COL23A1: variants seen among roughly 807,000 people sequenced by gnomAD.
COL23A1 encodes collagen type XXIII alpha 1 chain, also known as collagen alpha-1(XXIII) chain.
A neutral mutation model predicts 99.3 loss-of-function variants in COL23A1; 97 were observed. The observed-to-expected ratio is 0.98, with a 90% CI of 0.83 to 1.16. The LOEUF is 1.16. COL23A1 is among the 50% of genes most tolerant of loss of function. COL23A1 has a pLI of 0.00. For synonymous variants in COL23A1, 320 were observed against 308.2 expected, an observed-to-expected ratio of 1.04 and a Z score of -0.40; for missense variants, 762 against 757.4, an observed-to-expected ratio of 1.01 and a Z score of -0.07.
At chr5:178,302,524 C>T (rs926719768) in intron 3 of COL23A1, among the ~76,000 whole-genome samples, 2 of 152,138 alleles carry the variant, frequency 1.3e-5, no homozygotes, top group Non-Finnish European at 2.9e-5. Flanking sequence ...CACCACATTA[C>T]AACTCTGCCT....
At chr5:178,422,393 G>A (rs1482333038) in intron 2 of COL23A1, among the ~76,000 whole-genome samples, 1 of 152,218 alleles carries the variant, frequency 6.6e-6, no homozygotes, top group Non-Finnish European at 1.5e-5. Context: ...AGCCTTGACA[G>A]TAACAGAGCT....
intron 2 of COL23A1, among the ~76,000 whole-genome samples, chr5:178,330,600 G>A (rs1486883996): frequency 6.6e-6 from 1 of 151,728 alleles, no homozygotes; most frequent in East Asian, 1.9e-4. Flanking sequence ...GTTGCAGTGA[G>A]CCGAGATTGC....
chr5:178,290,240 A>G (rs1021084197), intron 4 of COL23A1, 122 bp downstream of exon 4: 10 of 1,428,990 alleles, frequency 7.0e-6, no homozygotes, highest in Non-Finnish European at 8.9e-6. Context: ...CCACTTTTTA[A>G]TAGGACTGAT....
chr5:178,261,845 T>G, intron 10 of COL23A1, 97 bp from the exon 11 acceptor site: 1 of 1,071,058 alleles, frequency 9.3e-7, no homozygotes, highest in Middle Eastern at 2.0e-4. Flanking sequence ...GTGACACCAA[T>G]CCCAGAGAGC....
chr5:178,405,409 G>T (rs1276774652), intron 2 of COL23A1, among the ~76,000 whole-genome samples: 1 of 152,140 alleles, frequency 6.6e-6, no homozygotes, highest in East Asian at 1.9e-4. Flanking sequence ...AATAGTTTTA[G>T]GAGATTGTAA....
At chr5:178,355,055 T>C (rs1463830403) in intron 2 of COL23A1, among the ~76,000 whole-genome samples, 1 of 102,854 alleles carries the variant, frequency 9.7e-6, no homozygotes, top group African/African-American at 4.8e-5. Flanking sequence ...AGACTTTGTC[T>C]CAAAAAAAAA....
chr5:178,532,103 A>C (rs900958027), intron 2 of COL23A1, among the ~76,000 whole-genome samples: 22 of 151,808 alleles, frequency 1.4e-4, no homozygotes, highest in African/African-American at 5.1e-4. Flanking sequence ...TCACTCGGAG[A>C]CTCCCCTTTT....
At chr5:178,515,164 G>C (rs532742245) in intron 2 of COL23A1, among the ~76,000 whole-genome samples, 1 of 152,338 alleles carries the variant, frequency 6.6e-6, no homozygotes, top group African/African-American at 2.4e-5. Flanking sequence ...ATCCCACCCA[G>C]CCCTCCTGGG....
intron 1 of COL23A1, among the ~76,000 whole-genome samples, chr5:178,581,690 C>T (rs1223126512): frequency 6.6e-6 from 1 of 152,038 alleles, no homozygotes; most frequent in Non-Finnish European, 1.5e-5. Context: ...CTGACTGTAC[C>T]ATTATCTGCA....
At chr5:178,485,772 T>C (rs1480842508) in intron 2 of COL23A1, among the ~76,000 whole-genome samples, 17 of 88,326 alleles carry the variant, frequency 1.9e-4, no homozygotes, top group Non-Finnish European at 2.6e-4. Flanking sequence ...ACAGAGTGAC[T>C]CCATCTCAAA....
intron 5 of COL23A1, among the ~76,000 whole-genome samples, chr5:178,283,868 C>T (rs1487517349): frequency 6.6e-6 from 1 of 152,206 alleles, no homozygotes; most frequent in Non-Finnish European, 1.5e-5. Context: ...CATTGAGCTT[C>T]TAATTATTCA....
intron 2 of COL23A1, among the ~76,000 whole-genome samples, chr5:178,359,804 G>T (rs977615354): frequency 1.3e-5 from 2 of 152,352 alleles, no homozygotes; most frequent in African/African-American, 4.8e-5. Flanking sequence ...CAGAAACTCA[G>T]AAATAGCCTA....
chr5:178,330,485 G>A (rs1429102283), intron 2 of COL23A1, among the ~76,000 whole-genome samples: 1 of 151,970 alleles, frequency 6.6e-6, no homozygotes. Flanking sequence ...GTGAGACCTC[G>A]TCTCTACAAA....
chr5:178,280,734 C>T lies in COL23A1; in HGVS notation c.441+7590G>A, dbSNP rs75354291. Among the ~76,000 whole-genome samples the T allele has an allele frequency of 3.8e-3, 585 of 152,212 alleles. 7 individuals carry two copies. Among genetic ancestry groups the T allele is most frequent in the African/African-American group, 0.013 (555 of 41,514 alleles). ...ACATATCACAGGCAAAACAGCAAAG[C>T]GCAGGACCAACCCCCTCTGCTGGGC... is the stretch of plus-strand genomic sequence containing the variant. On this transcript the variant is annotated intron_variant, in intron 5 of 28. Coordinates refer to ENST00000390654, the MANE Select transcript of COL23A1 (RefSeq NM_173465.4). This position sits in a 1 kb window ranked among gnomAD's most constrained non-coding sequence, Gnocchi z 4.9.
intron 2 of COL23A1, among the ~76,000 whole-genome samples, chr5:178,355,003 A>AGTGG (rs1199264293): frequency 6.6e-6 from 1 of 151,338 alleles, no homozygotes; most frequent in Non-Finnish European, 1.5e-5. Flanking sequence ...GGTTGCAGTG[A>AGTGG]GTGGAGATCA....
chr5:178,289,827 C>G (rs1314111982), intron 4 of COL23A1, among the ~76,000 whole-genome samples: 3 of 152,192 alleles, frequency 2.0e-5, no homozygotes, highest in Non-Finnish European at 4.4e-5. Context: ...AACGTTCCGG[C>G]GAACAGGTCA....
At chr5:178,286,339 C>T (rs1757149277) in intron 5 of COL23A1, among the ~76,000 whole-genome samples, 2 of 152,140 alleles carry the variant, frequency 1.3e-5, no homozygotes. Context: ...AAGAAAGCTC[C>T]CAGTGTCAAG....
rs147516826 is a variant in COL23A1, at chr5:178,280,432, C to T, written c.441+7892G>A. On this transcript the variant is annotated intron_variant, in intron 5 of 28. Transcript: ENST00000390654. The surrounding 1 kb of genome is among the most constrained non-coding windows in gnomAD (Gnocchi z 4.9). ...GGCCGAGGCTTGGCGGGGCCAGGGA[C>T]GTGCCTGAGGCCACATGGACTATAG... Among the ~76,000 whole-genome samples, 77 of 152,282 alleles carry T rather than the reference C, an allele frequency of 5.1e-4. No individual in the cohort carries two copies. Among genetic ancestry groups the T allele is most frequent in the African/African-American group, 1.6e-3 (65 of 41,548 alleles).
At chr5:178,260,055 C>G (rs1225558946) in intron 11 of COL23A1, among the ~76,000 whole-genome samples, 1 of 152,238 alleles carries the variant, frequency 6.6e-6, no homozygotes, top group African/African-American at 2.4e-5. Context: ...ATCCTTCCTC[C>G]TCAGGCCAGA....
Sources: allele counts gnomAD v4.1 joint callset (sites outside exome capture counted in the v4.1 genomes callset), GRCh38; gene constraint gnomAD v4.1.1; non-coding constraint Gnocchi (gnomAD v3.1); transcripts MANE v1.5; gene names NCBI Gene and HGNC (gene_info 2026-07-23, HGNC 2026-07-21).